The following NR3C2 variants were observed in gnomAD, a reference collection of about 807,000 sequenced individuals.
The protein encoded by NR3C2 is nuclear receptor subfamily 3 group C member 2.
NR3C2 carries 15 observed loss-of-function variants against 86.4 expected under a neutral mutation model. The ratio of observed to expected loss-of-function variants is 0.17; its 90% CI spans 0.12 to 0.27. The LOEUF (loss-of-function observed/expected upper bound fraction) is 0.27, where lower values mean the gene tolerates loss of function less well. NR3C2 is among the 10% of genes least tolerant of loss of function. The probability of loss-of-function intolerance (pLI) is 1.00; values close to 1 mark genes in which losing one functional copy is unlikely to be tolerated. For missense variants in NR3C2, 960 were observed against 1,195.6 expected (o/e 0.80, Z 2.91); for synonymous variants, 458 against 450.5 (o/e 1.02, Z -0.21).
chr4:148,419,368 CT>C (rs1560723110), intron 2 of NR3C2, among the ~76,000 whole-genome samples: 1 of 152,142 alleles, frequency 6.6e-6, no homozygotes. Context: ...TCTTCTGAAG[CT>C]ATAAGCAAAA....
intron 8 of NR3C2, among the ~76,000 whole-genome samples, chr4:148,089,069 C>T (rs1276332427): frequency 6.6e-6 from 1 of 152,164 alleles, no homozygotes; most frequent in African/African-American, 2.4e-5. Flanking sequence ...CTGTAACTTA[C>T]CCTGATGATT....
chr4:148,387,631 G>GCCCT lies in NR3C2; in HGVS notation c.1757+47472_1757+47473insAGGG, dbSNP rs1331534043. Among the ~76,000 whole-genome samples, 4 of 152,248 alleles carry GCCCT rather than the reference G, an allele frequency of 2.6e-5. No homozygotes were observed. In the Middle Eastern group the frequency reaches 0.01, roughly 388 times the overall value. ...ATGACAAAATCGCTGAAAGGGAGGGGGTTCTGGAGGCGATAACAATATGTC... is the reference window on the plus strand; with the variant it reads ...ATGACAAAATCGCTGAAAGGGAGGGGCCCTGTTCTGGAGGCGATAACAATATGTC... On this transcript the variant is annotated intron_variant, in intron 2 of 8. Transcript: ENST00000358102.
chr4:148,297,568 TGACCA>T (rs1460220895), intron 2 of NR3C2, among the ~76,000 whole-genome samples: 2 of 152,228 alleles, frequency 1.3e-5, no homozygotes, highest in African/African-American at 2.4e-5. Flanking sequence ...GAGACCAGCC[TGACCA>T]ACATGGTGAA....
At chr4:148,291,038 C>A (rs1351302094) in intron 2 of NR3C2, among the ~76,000 whole-genome samples, 1 of 152,096 alleles carries the variant, frequency 6.6e-6, no homozygotes, top group African/African-American at 2.4e-5. Flanking sequence ...ACTTAACAAC[C>A]ATATAAGTGA....
In NR3C2 at chr4:148,079,213, G is replaced by GTATT. The variant is rs1730429663; in HGVS notation, c.*2127_*2130dup. The GTATT allele has an allele frequency of 6.6e-6, 1 of 152,228 alleles. No homozygotes were observed. Among genetic ancestry groups the GTATT allele is most frequent in the African/African-American group, 2.4e-5 (1 of 41,466 alleles). The allele number at this position is 152,228 out of a possible 1,614,324, so 9.4% of individuals were successfully genotyped here. A position where few individuals can be genotyped will look rare whatever the true frequency, so the allele number is the denominator to read the frequency against. On this transcript the variant is annotated 3_prime_UTR_variant, in exon 9 of 9. Transcript: ENST00000358102. ...TAGCAACTCCCAGTCTGCATGCTGT[G>GTATT]TATTTATTACCTTCAAAGTGTGGCT... is the stretch of plus-strand genomic sequence containing the variant.
At chr4:148,278,092 TTTTGTTTGTTTG>T (rs149602272) in intron 2 of NR3C2, among the ~76,000 whole-genome samples, 1 of 40,224 alleles carries the variant, frequency 2.5e-5, no homozygotes, top group Non-Finnish European at 4.2e-5. Flanking sequence ...CAAGTCTGTT[TTTTGTTTGTTTG>T]TTTGTTTGTT....
intron 3 of NR3C2, 129 bp downstream of exon 3, chr4:148,259,849 T>C: frequency 8.3e-7 from 1 of 1,201,598 alleles, no homozygotes; most frequent in Non-Finnish European, 1.2e-6. Context: ...GCACTATTAC[T>C]GTTTATCACT....
intron 8 of NR3C2, among the ~76,000 whole-genome samples, chr4:148,111,747 G>T (rs564407236): frequency 4.6e-5 from 7 of 152,162 alleles, no homozygotes; most frequent in Non-Finnish European, 8.8e-5. Context: ...ACTACATACT[G>T]CATTGTTGTA....
chr4:148,274,717 T>C (rs1377275228), intron 2 of NR3C2, among the ~76,000 whole-genome samples: 1 of 150,398 alleles, frequency 6.6e-6, no homozygotes, highest in East Asian at 2.1e-4. Flanking sequence ...TTTTTTTTTT[T>C]TTTTTGAGAT....
intron 2 of NR3C2, among the ~76,000 whole-genome samples, chr4:148,309,156 T>C (rs1742785428): frequency 2.0e-5 from 3 of 152,092 alleles, no homozygotes; most frequent in Non-Finnish European, 4.4e-5. Context: ...TTATTATGTG[T>C]CAATTTAAAA....
chr4:148,272,490 C>T (rs1202543586), intron 2 of NR3C2, among the ~76,000 whole-genome samples: 3 of 151,896 alleles, frequency 2.0e-5, no homozygotes, highest in Non-Finnish European at 2.9e-5. Flanking sequence ...GTGAAAGGAC[C>T]CTTGGAATTT....
chr4:148,104,341 GGT>G (rs1560923466), intron 8 of NR3C2, among the ~76,000 whole-genome samples: 6 of 122,352 alleles, frequency 4.9e-5, no homozygotes, highest in Admixed American at 8.1e-5. Context: ...GTTTTGGTTT[GGT>G]TTTTTTTTTT....
chr4:148,118,900 AC>A (rs966905376), intron 7 of NR3C2, among the ~76,000 whole-genome samples: 35 of 151,852 alleles, frequency 2.3e-4, no homozygotes, highest in African/African-American at 8.2e-4. Flanking sequence ...TCATGGTAAT[AC>A]CCCCCATTAT....
intron 3 of NR3C2, among the ~76,000 whole-genome samples, chr4:148,203,472 A>G (rs920956532): frequency 2.5e-4 from 38 of 151,682 alleles, no homozygotes; most frequent in Middle Eastern, 3.4e-3. Flanking sequence ...GCAGTTGACA[A>G]CTGCCCAGCA....
At chr4:148,355,242 G>A (rs376953670) in intron 2 of NR3C2, among the ~76,000 whole-genome samples, 1 of 152,144 alleles carries the variant, frequency 6.6e-6, no homozygotes, top group East Asian at 1.9e-4. Context: ...AAAGTGAGTA[G>A]TGCCAGAGAT....
In NR3C2 at chr4:148,295,438, C is replaced by G. The variant is rs1474917687; in HGVS notation, c.1758-35321G>C. 2.0e-5 allele frequency among the ~76,000 whole-genome samples: 3 copies of G among 151,456 alleles called. No individual in the cohort carries two copies. In the East Asian group the frequency reaches 5.8e-4, roughly 29 times the overall value. On this transcript the variant is annotated intron_variant, in intron 2 of 8. Transcript: ENST00000358102. ...ACTCCCCGCATCCAGTGCTACCTCT[C>G]TGTGTGCATGCTACACTCTAGAGAC... is the stretch of plus-strand genomic sequence containing the variant.
chr4:148,365,850 G>A (rs572350797), intron 2 of NR3C2, among the ~76,000 whole-genome samples: 35 of 152,116 alleles, frequency 2.3e-4, no homozygotes, highest in African/African-American at 6.8e-4. Flanking sequence ...TCCCATCCAA[G>A]CTCACAAACT....
chr4:148,261,621 G>T (rs1382562426), intron 2 of NR3C2, among the ~76,000 whole-genome samples: 1 of 152,186 alleles, frequency 6.6e-6, no homozygotes, highest in African/African-American at 2.4e-5. Context: ...TGTGCAGAAG[G>T]GGGCTCAGAG....
intron 2 of NR3C2, among the ~76,000 whole-genome samples, chr4:148,358,172 G>A (rs537205924): frequency 1.3e-5 from 2 of 152,132 alleles, no homozygotes; most frequent in African/African-American, 2.4e-5. Flanking sequence ...ACATGCACAC[G>A]TATGTTTATT....
Sources: allele counts gnomAD v4.1 joint callset (sites outside exome capture counted in the v4.1 genomes callset), GRCh38; gene constraint gnomAD v4.1.1; transcripts MANE v1.5; gene names NCBI Gene and HGNC (gene_info 2026-07-23, HGNC 2026-07-21).